The following MAP2 variants were observed in gnomAD, a reference collection of about 807,000 sequenced individuals.
The protein encoded by MAP2 is microtubule associated protein 2, also known as microtubule-associated protein 2.
In MAP2, 14 loss-of-function variants were observed where a neutral mutation model predicts 137.6. The ratio of observed to expected loss-of-function variants is 0.10; its 90% CI spans 0.07 to 0.16. The LOEUF (loss-of-function observed/expected upper bound fraction) is 0.16, where lower values mean the gene tolerates loss of function less well. Among genes scored for constraint, MAP2 ranks in the 10% least tolerant of loss-of-function variants. The probability of loss-of-function intolerance (pLI) is 1.00; values close to 1 mark genes in which losing one functional copy is unlikely to be tolerated. For synonymous variants in MAP2, 786 were observed against 782.3 expected (o/e 1.00, Z -0.08); for missense variants, 2,088 against 2,191.5 (o/e 0.95, Z 0.94).
chr2:209,668,242 TC>T (rs1316745646), intron 5 of MAP2, among the ~76,000 whole-genome samples: 1 of 152,046 alleles, frequency 6.6e-6, no homozygotes, highest in East Asian at 1.9e-4. Context: ...TGAAGGTATT[TC>T]TAGAGGTGTG....
chr2:209,531,606 C>T (rs1458313918), intron 2 of MAP2, among the ~76,000 whole-genome samples: 1 of 152,096 alleles, frequency 6.6e-6, no homozygotes, highest in African/African-American at 2.4e-5. Flanking sequence ...TAATCTTTGG[C>T]TAATATGACT....
At chr2:209,536,500 T>G (rs1216609055) in intron 2 of MAP2, among the ~76,000 whole-genome samples, 2 of 152,228 alleles carry the variant, frequency 1.3e-5, no homozygotes, top group Non-Finnish European at 2.9e-5. Flanking sequence ...ATGTTGTTTG[T>G]TGACCTTGGA....
intron 1 of MAP2, among the ~76,000 whole-genome samples, chr2:209,437,778 C>T (rs1473868366): frequency 6.6e-6 from 1 of 151,626 alleles, no homozygotes; most frequent in Non-Finnish European, 1.5e-5. Context: ...TAGAAGAATA[C>T]TGTACAAAAA....
intron 1 of MAP2, among the ~76,000 whole-genome samples, chr2:209,490,731 A>T (rs1407101355): frequency 6.6e-6 from 1 of 152,054 alleles, no homozygotes; most frequent in East Asian, 1.9e-4. Flanking sequence ...TAAAGAGATC[A>T]ATGCAACAAG....
At chr2:209,689,501 G>A (rs1295623262) in intron 7 of MAP2, among the ~76,000 whole-genome samples, 2 of 151,938 alleles carry the variant, frequency 1.3e-5, no homozygotes, top group Non-Finnish European at 2.9e-5. Flanking sequence ...AATTCCTTAA[G>A]TGACCAAATG....
chr2:209,671,975 G>C (rs3768825), intron 5 of MAP2, among the ~76,000 whole-genome samples: 30,520 of 151,502 alleles, frequency 0.2, 4,557 homozygotes, highest in African/African-American at 0.43. Flanking sequence ...ATCTCCATTG[G>C]TTATTTTTAA....
intron 5 of MAP2, among the ~76,000 whole-genome samples, chr2:209,658,445 A>C (rs1017567820): frequency 5.9e-5 from 9 of 152,132 alleles, no homozygotes; most frequent in Non-Finnish European, 1.2e-4. Context: ...CTTGCTCTAA[A>C]AAAGTAATAA....
At chr2:209,726,624 T>C (rs1485340821) in intron 14 of MAP2, among the ~76,000 whole-genome samples, 1 of 152,082 alleles carries the variant, frequency 6.6e-6, no homozygotes, top group Non-Finnish European at 1.5e-5. Flanking sequence ...AATAAGCCGA[T>C]ATGGTGGTAC....
intron 3 of MAP2, among the ~76,000 whole-genome samples, chr2:209,609,597 G>A (rs1395721873): frequency 6.6e-6 from 1 of 152,234 alleles, no homozygotes; most frequent in Admixed American, 6.5e-5. Context: ...GTGGTCTTTT[G>A]TAGAAGGCTT....
At chr2:209,604,379 G>T (rs1479867589) in intron 3 of MAP2, among the ~76,000 whole-genome samples, 1 of 152,122 alleles carries the variant, frequency 6.6e-6, no homozygotes, top group African/African-American at 2.4e-5. Flanking sequence ...AACACAGGGT[G>T]TACAGTGCCC....
At chr2:209,583,579 A>G (rs1306630118) in intron 3 of MAP2, among the ~76,000 whole-genome samples, 2 of 152,044 alleles carry the variant, frequency 1.3e-5, no homozygotes, top group South Asian at 2.1e-4. Context: ...AAAAATACCA[A>G]TTCAACCTCA....
chr2:209,512,439 T>A (rs543604712), intron 2 of MAP2, among the ~76,000 whole-genome samples: 1 of 151,838 alleles, frequency 6.6e-6, no homozygotes, highest in African/African-American at 2.4e-5. Flanking sequence ...TTTTCTAGAT[T>A]TTACATGTGT....
chr2:209,725,190 A>G (rs945168319), intron 13 of MAP2, among the ~76,000 whole-genome samples: 5 of 152,222 alleles, frequency 3.3e-5, no homozygotes, highest in African/African-American at 1.2e-4. Flanking sequence ...ATCATTTTAT[A>G]ATTTGGTATG....
At chr2:209,456,491 G>C (rs1303277513) in intron 1 of MAP2, among the ~76,000 whole-genome samples, 1 of 152,216 alleles carries the variant, frequency 6.6e-6, no homozygotes, top group Non-Finnish European at 1.5e-5. Flanking sequence ...ATATGAGAAA[G>C]AATGGTGGAA....
Position 209,693,712 on chromosome 2 carries a change from T to C in MAP2, c.1542T>C (p.Ser514=), listed in dbSNP as rs1385022721. Residue 514 remains serine, a synonymous_variant, in exon 8 of 16, where the codon TCT becomes TCC. Coordinates refer to ENST00000682079, the MANE Select transcript of MAP2 (RefSeq NM_001375505.1). ...EQAVTDSAMT[S]KTLEKAMTEP... ...CAGTTACAGATTCAGCCATGACCTC[T>C]AAAACACTGGAGAAAGCCATGACCG... The C allele has an allele frequency of 1.1e-5, 18 of 1,613,200 alleles. No individual in the cohort carries two copies. The highest frequency in any genetic ancestry group is 1.4e-5 in the Non-Finnish European group (17 of 1,179,856).
chr2:209,578,884 A>G (rs554625089), intron 2 of MAP2, among the ~76,000 whole-genome samples: 1 of 149,284 alleles, frequency 6.7e-6, no homozygotes, highest in East Asian at 2.0e-4. Flanking sequence ...ATGTAAATAG[A>G]TTGCCCCCAG....
chr2:209,540,662 A>AG (rs2066851514), intron 2 of MAP2, among the ~76,000 whole-genome samples: 1 of 142,236 alleles, frequency 7.0e-6, no homozygotes, highest in East Asian at 2.0e-4. Flanking sequence ...AAAAAAAAAA[A>AG]GAAGAAAAGA....
At chr2:209,680,548 C>G (rs1203398549) in intron 6 of MAP2, among the ~76,000 whole-genome samples, 1 of 151,858 alleles carries the variant, frequency 6.6e-6, no homozygotes, top group East Asian at 1.9e-4. Flanking sequence ...TTGAAAATAT[C>G]AAATGCTTGT....
intron 1 of MAP2, among the ~76,000 whole-genome samples, chr2:209,472,573 A>G (rs1047185392): frequency 1.3e-5 from 2 of 152,178 alleles, no homozygotes; most frequent in Non-Finnish European, 2.9e-5. Context: ...AGCACAATTC[A>G]TCAAAGTACT....
Sources: gnomAD v4.1 joint callset for allele counts (sites outside exome capture counted in the v4.1 genomes callset) on GRCh38, gnomAD v4.1.1 for gene constraint, MANE v1.5 for transcripts, NCBI Gene and HGNC (gene_info 2026-07-23, HGNC 2026-07-21) for gene names.